The following PDE4D variants were observed in gnomAD, a reference collection of about 807,000 sequenced individuals.
PDE4D encodes the protein phosphodiesterase 4D, also known as 3',5'-cyclic-AMP phosphodiesterase 4D.
A neutral mutation model predicts 87.4 loss-of-function variants in PDE4D; 24 were observed. The ratio of observed to expected loss-of-function variants is 0.27; its 90% confidence interval spans 0.20 to 0.39. The LOEUF (loss-of-function observed/expected upper bound fraction) is 0.39, where lower values mean the gene tolerates loss of function less well. Among genes scored for constraint, PDE4D ranks in the 10% least tolerant of loss-of-function variants. PDE4D has a pLI of 1.00. For missense variants in PDE4D, 714 were observed against 1,041.0 expected (o/e 0.69, Z 4.32); for synonymous variants, 384 against 383.2 (o/e 1.00, Z -0.02).
At chr5:60,262,369 C>A (rs1380790408) in intron 1 of PDE4D, 2 of 152,126 alleles carry the variant, frequency 1.3e-5, no homozygotes, top group Admixed American at 1.3e-4. Context: ...TGGAATCAGG[C>A]AAACTTAAGT....
At chr5:59,378,246 C>A (rs1785070963) in intron 1 of PDE4D, among the ~76,000 whole-genome samples, 1 of 152,074 alleles carries the variant, frequency 6.6e-6, no homozygotes, top group Admixed American at 6.6e-5. Flanking sequence ...CACATGGACA[C>A]AAAGAGGGGA....
intron 2 of PDE4D, among the ~76,000 whole-genome samples, chr5:60,176,844 T>C (rs1783947844): frequency 6.6e-6 from 1 of 152,114 alleles, no homozygotes; most frequent in Non-Finnish European, 1.5e-5. Flanking sequence ...GGCAGAGTTG[T>C]ATCTTTGTAA....
intron 2 of PDE4D, among the ~76,000 whole-genome samples, chr5:59,206,254 T>A (rs10074426): frequency 0.28 from 42,136 of 152,086 alleles, 6,078 homozygotes; most frequent in Non-Finnish European, 0.31. Flanking sequence ...AGCCCAGTGG[T>A]TGATATTCCT....
chr5:59,985,138 G>GT lies in PDE4D; in HGVS notation c.272+3349dup, dbSNP rs1389439526. On this transcript the variant is annotated intron_variant, in intron 3 of 16. Coordinates refer to the PDE4D transcript ENST00000502484. ...CTTCACCTTTCGTTTTTTGTTTTTT[G>GT]TTTTTTGTTTTTTATTTTGAGACAG... Among the ~76,000 whole-genome samples the GT allele has an allele frequency of 7.1e-5, 8 of 113,194 alleles. 1 individual carries two copies. Among genetic ancestry groups the GT allele is most frequent in the Non-Finnish European group, 1.3e-4 (7 of 55,152 alleles). The allele number at this position is 113,194 out of a possible 152,430, so 74.3% of individuals were successfully genotyped here.
intron 5 of PDE4D, among the ~76,000 whole-genome samples, chr5:59,053,149 T>A (rs547432995): frequency 1.6e-4 from 24 of 152,200 alleles, no homozygotes; most frequent in Admixed American, 1.1e-3. Context: ...GAAGAAGGCA[T>A]GTCATTTATG....
chr5:59,740,083 G>T (rs545947285), intron 1 of PDE4D, among the ~76,000 whole-genome samples: 1 of 152,180 alleles, frequency 6.6e-6, no homozygotes, highest in South Asian at 2.1e-4. Context: ...TTCCATATGA[G>T]TTATTTATAA....
At chr5:60,186,465 A>T (rs1267091177) in intron 1 of PDE4D, among the ~76,000 whole-genome samples, 1 of 152,192 alleles carries the variant, frequency 6.6e-6, no homozygotes, top group Non-Finnish European at 1.5e-5. Context: ...TGCTGTGTTC[A>T]TTTATGATAT....
chr5:60,197,406 A>G (rs1741402350), intron 1 of PDE4D, among the ~76,000 whole-genome samples: 1 of 151,600 alleles, frequency 6.6e-6, no homozygotes, highest in Non-Finnish European at 1.5e-5. Flanking sequence ...TCTACTGTGA[A>G]TAGCCTCCTT....
At chr5:58,986,895 C>T (rs1466539550) in intron 11 of PDE4D, among the ~76,000 whole-genome samples, 1 of 151,836 alleles carries the variant, frequency 6.6e-6, no homozygotes, top group Non-Finnish European at 1.5e-5. Context: ...TCTAAGGGAA[C>T]ATATAATATG....
chr5:59,613,448 G>T (rs1410912391), intron 1 of PDE4D, among the ~76,000 whole-genome samples: 1 of 152,144 alleles, frequency 6.6e-6, no homozygotes, highest in Admixed American at 6.5e-5. Flanking sequence ...ACAAACAATG[G>T]CATATAGACT....
At chr5:59,635,418 T>C (rs1013774354) in intron 1 of PDE4D, among the ~76,000 whole-genome samples, 38 of 152,098 alleles carry the variant, frequency 2.5e-4, no homozygotes, top group Admixed American at 1.7e-3. Context: ...TACCAAAAGC[T>C]GGCAGAGACA....
At chr5:59,488,870 C>T (rs995492257) in intron 1 of PDE4D, among the ~76,000 whole-genome samples, 5 of 151,874 alleles carry the variant, frequency 3.3e-5, no homozygotes, top group Admixed American at 2.6e-4. Context: ...GCAAGGCAGA[C>T]GCATAAAACA....
chr5:59,892,502 C>T (rs1751099846), intron 1 of PDE4D, among the ~76,000 whole-genome samples: 1 of 152,170 alleles, frequency 6.6e-6, no homozygotes, highest in South Asian at 2.1e-4. Context: ...TTCTCCCTCC[C>T]TCACCCCCTT....
rs1254042858 is a variant in PDE4D at position 59,397,484 on chromosome 5, G to A, written c.456-181516C>T. Among the ~76,000 whole-genome samples the A allele has an allele frequency of 8.6e-5, 10 of 116,468 alleles. 4 individuals are homozygous for A. Among genetic ancestry groups the A allele is most frequent in the Admixed American group, 1.7e-4 (2 of 11,828 alleles). The allele number at this position is 116,468 out of a possible 152,430, so 76.4% of individuals were successfully genotyped here. A position where few individuals can be genotyped will look rare whatever the true frequency, so the allele number is the denominator to read the frequency against. On this transcript the variant is annotated intron_variant, in intron 1 of 14. Coordinates refer to ENST00000340635, the MANE Select transcript of PDE4D (RefSeq NM_001104631.2). ...ACAACCTGCTCCTGAATGACTACTG[G>A]GTACATAATGAAATGAAGGCAGAAA...
At chr5:59,100,132 C>G (rs899029985) in intron 5 of PDE4D, among the ~76,000 whole-genome samples, 1 of 152,228 alleles carries the variant, frequency 6.6e-6, no homozygotes, top group African/African-American at 2.4e-5. Context: ...TCTTCTTTCA[C>G]CCCTACTCAC....
chr5:59,837,990 A>G (rs1282292885), intron 1 of PDE4D, among the ~76,000 whole-genome samples: 1 of 152,090 alleles, frequency 6.6e-6, no homozygotes, highest in Non-Finnish European at 1.5e-5. Context: ...TAATGATGAC[A>G]ATTTGTTGAC....
At chr5:58,977,432 T>C (rs1580042127) in intron 11 of PDE4D, 87 bp from the exon 12 acceptor site, 4 of 1,280,182 alleles carry the variant, frequency 3.1e-6, no homozygotes, top group African/African-American at 1.5e-5. Flanking sequence ...TAGGATGTAA[T>C]TTCCCCTAAA....
At chr5:60,032,730 T>C (rs1313017654) in intron 2 of PDE4D, 2 of 152,164 alleles carry the variant, frequency 1.3e-5, no homozygotes, top group African/African-American at 2.4e-5. Context: ...GCTTTCCACA[T>C]AGTTATTAAA....
At chr5:59,937,582 G>A (rs1280917034) in intron 3 of PDE4D, among the ~76,000 whole-genome samples, 1 of 152,164 alleles carries the variant, frequency 6.6e-6, no homozygotes, top group African/African-American at 2.4e-5. Flanking sequence ...ACTTTCCCTG[G>A]TGCAGGCAAG....
Sources: gnomAD v4.1 joint callset for allele counts (sites outside exome capture counted in the v4.1 genomes callset) on GRCh38, gnomAD v4.1.1 for gene constraint, MANE v1.5 for transcripts, NCBI Gene and HGNC (gene_info 2026-07-23, HGNC 2026-07-21) for gene names.